Variants in SCMH1 observed in about 807,000 individuals in gnomAD.
SCMH1 encodes polycomb protein SCMH1.
Under a neutral mutation model 70.8 loss-of-function variants are expected in SCMH1, and 37 were observed. That is an observed-to-expected ratio of 0.52 (90% CI 0.40 to 0.69). The LOEUF (loss-of-function observed/expected upper bound fraction) is 0.69. SCMH1 is among the 30% of genes least tolerant of loss of function. SCMH1 has a pLI of 0.00. For synonymous variants in SCMH1, 292 were observed against 307.4 expected (o/e 0.95, Z 0.52); for missense variants, 607 against 827.3 (o/e 0.73, Z 3.27).
At chr1:41,201,776 A>G (rs1654408677) in intron 1 of SCMH1, among the ~76,000 whole-genome samples, 1 of 152,186 alleles carries the variant, frequency 6.6e-6, no homozygotes, top group Non-Finnish European at 1.5e-5. Context: ...GTATTTGGCT[A>G]AGGGATATCA....
intron 2 of SCMH1, among the ~76,000 whole-genome samples, chr1:41,177,890 C>T (rs1647429409): frequency 6.6e-6 from 1 of 152,096 alleles, no homozygotes; most frequent in Non-Finnish European, 1.5e-5. Flanking sequence ...ACAGAGAATG[C>T]CACAAACATA....
At chr1:41,169,194 T>C (rs1387899007) in intron 2 of SCMH1, among the ~76,000 whole-genome samples, 2 of 152,220 alleles carry the variant, frequency 1.3e-5, no homozygotes, top group East Asian at 3.8e-4. Context: ...GTGGAAGTTA[T>C]AGAAGTTGTG....
intron 10 of SCMH1, among the ~76,000 whole-genome samples, chr1:41,062,740 G>GAAA (rs1292039887): frequency 2.0e-5 from 2 of 98,172 alleles, no homozygotes; most frequent in East Asian, 2.8e-4. Context: ...CTCCATCTCA[G>GAAA]AAAAAAAAAA....
At chr1:41,158,132 T>C (rs966609789) in intron 4 of SCMH1, among the ~76,000 whole-genome samples, 1 of 152,148 alleles carries the variant, frequency 6.6e-6, no homozygotes, top group South Asian at 2.1e-4. Context: ...GAGGACCAGG[T>C]GAAGGAACAT....
At chr1:41,140,474 G>A (rs1476493752) in intron 6 of SCMH1, among the ~76,000 whole-genome samples, 1 of 152,022 alleles carries the variant, frequency 6.6e-6, no homozygotes, top group Non-Finnish European at 1.5e-5. Context: ...TGTATTTTCA[G>A]TAGAGACGAG....
intron 11 of SCMH1, among the ~76,000 whole-genome samples, chr1:41,047,659 C>T (rs545841728): frequency 6.6e-6 from 1 of 152,218 alleles, no homozygotes; most frequent in East Asian, 1.9e-4. Flanking sequence ...ACCTCAGCCT[C>T]CCAAAGTGCT....
At chr1:41,165,990 T>C (rs1351074442) in intron 2 of SCMH1, among the ~76,000 whole-genome samples, 1 of 152,128 alleles carries the variant, frequency 6.6e-6, no homozygotes, top group Admixed American at 6.5e-5. Context: ...AGTTTCATAG[T>C]TTCAAGTCTT....
intron 8 of SCMH1, among the ~76,000 whole-genome samples, chr1:41,080,193 T>C (rs1659581637): frequency 6.6e-6 from 1 of 152,070 alleles, no homozygotes; most frequent in Non-Finnish European, 1.5e-5. Flanking sequence ...AAAAACAGAA[T>C]ATGAAGAGCC....
intron 2 of SCMH1, among the ~76,000 whole-genome samples, chr1:41,162,006 G>A (rs920476566): frequency 6.6e-6 from 1 of 152,170 alleles, no homozygotes; most frequent in African/African-American, 2.4e-5. Flanking sequence ...CCATGGAGCC[G>A]GTGGGAGCCT....
At chr1:41,054,744 A>G (rs1649597841) in intron 10 of SCMH1, among the ~76,000 whole-genome samples, 1 of 152,204 alleles carries the variant, frequency 6.6e-6, no homozygotes, top group African/African-American at 2.4e-5. Context: ...TGTCTAATGA[A>G]GTGAACTCTG....
intron 8 of SCMH1, among the ~76,000 whole-genome samples, chr1:41,085,197 C>T (rs201889236): frequency 4.9e-4 from 74 of 151,538 alleles, no homozygotes; most frequent in Non-Finnish European, 1.6e-4. Context: ...GAGACTACCA[C>T]GAACAAGTTG....
chr1:41,136,562 C>T (rs1315484919), intron 6 of SCMH1, among the ~76,000 whole-genome samples: 8 of 151,406 alleles, frequency 5.3e-5, no homozygotes, highest in African/African-American at 1.2e-4. Context: ...TTAGTAGAGA[C>T]GGGGTTTTAC....
intron 6 of SCMH1, among the ~76,000 whole-genome samples, chr1:41,142,516 T>C (rs1644189928): frequency 6.6e-6 from 1 of 152,204 alleles, no homozygotes; most frequent in Non-Finnish European, 1.5e-5. Context: ...ACTGGCAGAT[T>C]TTCTCTCATT....
intron 1 of SCMH1, among the ~76,000 whole-genome samples, chr1:41,199,846 ACCTGCACGTGTACCC>A (rs1292452143): frequency 6.6e-6 from 1 of 152,112 alleles, no homozygotes; most frequent in African/African-American, 2.4e-5. Flanking sequence ...CTTGTAACAA[ACCTGCACGTGTACCC>A]CCTGAATCTA....
intron 1 of SCMH1, among the ~76,000 whole-genome samples, chr1:41,225,455 C>T (rs1378909987): frequency 3.3e-5 from 5 of 151,866 alleles, no homozygotes; most frequent in Non-Finnish European, 7.4e-5. Flanking sequence ...TGTGTCAGTC[C>T]CCGGGCTAGG....
At chr1:41,169,812 TCTG>T (rs1646665333) in intron 2 of SCMH1, among the ~76,000 whole-genome samples, 1 of 152,134 alleles carries the variant, frequency 6.6e-6, no homozygotes, top group Non-Finnish European at 1.5e-5. Flanking sequence ...CCCGTATAAA[TCTG>T]CTGCTTTTTT....
Position 41,140,465 on chromosome 1 carries a change from G to A in SCMH1, c.412+2413C>T, listed in dbSNP as rs1368254434. 2.0e-5 allele frequency among the ~76,000 whole-genome samples: 3 copies of A among 152,080 alleles called. No individual in the cohort carries two copies. The East Asian group carries it at 5.8e-4, about 29-fold the overall frequency. On this transcript the variant is annotated intron_variant, in intron 6 of 14. Transcript: ENST00000337495. ...ATGCCACAACACCCAGCTAATTTTT[G>A]TATTTTCAGTAGAGACGAGGTTTCA...
intron 7 of SCMH1, among the ~76,000 whole-genome samples, chr1:41,114,027 G>A (rs1405321832): frequency 1.3e-5 from 2 of 151,940 alleles, no homozygotes; most frequent in Admixed American, 6.6e-5. Context: ...GTATTTCATT[G>A]TATATATATA....
chr1:41,038,193 A>G (rs1645581700), intron 12 of SCMH1: 2 of 152,256 alleles, frequency 1.3e-5, no homozygotes, highest in South Asian at 4.1e-4. Context: ...CTTTCTTCCA[A>G]GGAGTTTGTG....
Sources: allele counts gnomAD v4.1 joint callset (sites outside exome capture counted in the v4.1 genomes callset), GRCh38; gene constraint gnomAD v4.1.1; transcripts MANE v1.5; gene names NCBI Gene and HGNC (gene_info 2026-07-23, HGNC 2026-07-21).